Variants in DMXL1 observed in about 807,000 individuals in gnomAD.
DMXL1 encodes the protein Dmx like 1, also known as dmX-like protein 1.
Under a neutral mutation model 319.2 loss-of-function variants are expected in DMXL1, and 99 were observed. The ratio of observed to expected loss-of-function variants is 0.31; its 90% confidence interval spans 0.26 to 0.37. The LOEUF is 0.37. Among genes scored for constraint, DMXL1 ranks in the 10% least tolerant of loss-of-function variants. The pLI, the probability that DMXL1 is intolerant of heterozygous loss-of-function variation, is 1.00. For missense variants in DMXL1, 3,745 were observed against 3,595.6 expected (o/e 1.04, Z -1.06); for synonymous variants, 1,385 against 1,235.2 (o/e 1.12, Z -2.54).
intron 38 of DMXL1, among the ~76,000 whole-genome samples, chr5:119,228,654 A>T (rs968566166): frequency 1.3e-4 from 19 of 151,980 alleles, no homozygotes; most frequent in African/African-American, 4.6e-4. Context: ...GTGAGAACAA[A>T]TTTTTTTTGA....
chr5:119,219,724 T>C (rs2150573308), intron 35 of DMXL1, among the ~76,000 whole-genome samples: 1 of 152,078 alleles, frequency 6.6e-6, no homozygotes, highest in East Asian at 1.9e-4. Context: ...CATGCCACCA[T>C]GCCCAACTAA....
chr5:119,166,653 C>T lies in DMXL1; in HGVS notation c.5008C>T (p.His1670Tyr), dbSNP rs775383385. 3 of 1,607,858 alleles carry T rather than the reference C, an allele frequency of 1.9e-6. No homozygotes were observed. The highest frequency in any genetic ancestry group is 1.7e-6 in the Non-Finnish European group (2 of 1,177,906). Residue 1670 changes from histidine to tyrosine, a missense_variant, in exon 22 of 44, where the codon CAC becomes TAC. Physicochemically the swap from His to Tyr is moderately conservative, Grantham distance 83 (BLOSUM62 2). Around this residue, in one of 4 missense-constraint regions of DMXL1, gnomAD observed 2,096 missense variants for 1,985.4 expected, o/e 1.06. Coordinates refer to ENST00000539542, the MANE Select transcript of DMXL1 (RefSeq NM_001290321.3). ...KNTRMTQFFG[H>Y]NFEDERWRKA... ...CACCAGGATGACACAGTTTTTTGGA[C>T]ACAATTTTGAGGATGAGAGGTGGCG...
chr5:119,146,457 G>C (rs376287955), intron 15 of DMXL1, among the ~76,000 whole-genome samples: 61 of 151,974 alleles, frequency 4.0e-4, no homozygotes, highest in African/African-American at 1.4e-3. Flanking sequence ...ATCCATTATA[G>C]AACTTATTCA....
Position 119,178,085 on chromosome 5 carries a change from G to C in DMXL1, c.6976G>C (p.Val2326Leu), listed in dbSNP as rs1220635819. ...CTTGCTCTGTGAGATTCTCACAGCA[G>C]TGTATCTTAGTCTCTTCATCCATGG... ...TVLLCEILTA[V>L]YLSLFIHGLA... The change falls in exon 28 of 44, where the codon GTG becomes CTG. Residue 2326 changes from valine (V) to leucine (L), a missense_variant. Around this residue, in one of 4 missense-constraint regions of DMXL1, gnomAD observed 1,382 missense variants for 1,269.5 expected, o/e 1.09. Transcript: ENST00000539542. 3 of 1,613,968 alleles carry C rather than the reference G, an allele frequency of 1.9e-6. No homozygotes were observed. Among genetic ancestry groups the C allele is most frequent in the East Asian group, 4.5e-5 (2 of 44,882 alleles).
chr5:119,196,307 G>C (rs1329372444), intron 30 of DMXL1, 64 bp from the exon 31 acceptor site: 3 of 1,240,030 alleles, frequency 2.4e-6, no homozygotes, highest in Non-Finnish European at 3.6e-6. Flanking sequence ...TGAGTCAAAG[G>C]GTAGTATACT....
Position 119,203,273 on chromosome 5 carries a change from A to C in DMXL1, c.7746-46A>C, listed in dbSNP as rs1016677836. 6 of 1,264,054 alleles carry C rather than the reference A, an allele frequency of 4.7e-6. No individual in the cohort carries two copies. The Middle Eastern group carries it at 7.8e-4, about 165-fold the overall frequency. The allele number at this position is 1,264,054 out of a possible 1,614,324, so 78.3% of individuals were successfully genotyped here. On this transcript the variant is annotated intron_variant, in intron 32 of 43. Transcript: ENST00000539542. The stretch of plus-strand genomic sequence containing the variant: ...CCAAGGAATTGTTATCAAGTTAGTC[A>C]GAAATTTCTGAAGTTTATCATTAAA...
At chr5:119,128,027 T>C (rs1171967900) in intron 9 of DMXL1, 4 of 418,332 alleles carry the variant, frequency 9.6e-6, no homozygotes, top group Non-Finnish European at 1.9e-5. Flanking sequence ...TTTATCATGA[T>C]TCTCCATTTA....
In DMXL1 at chr5:119,196,261, G is replaced by A; in HGVS notation, c.7458-110G>A. 8 of 790,202 alleles carry A rather than the reference G, an allele frequency of 1.0e-5. No individual in the cohort carries two copies. The South Asian group carries it at 1.0e-4, about 10-fold the overall frequency. The allele number at this position is 790,202 out of a possible 1,614,324, so 48.9% of individuals were successfully genotyped here. A position where few individuals can be genotyped will look rare whatever the true frequency, so the allele number is the denominator to read the frequency against. ...ATATATTATTTTGTTTTCATAGAGG[G>A]GTATGTTCAGGTTGATTCCTGATAG... On this transcript the variant is annotated intron_variant, in intron 30 of 43. Coordinates refer to ENST00000539542, the MANE Select transcript of DMXL1 (RefSeq NM_001290321.3).
intron 1 of DMXL1, among the ~76,000 whole-genome samples, chr5:119,082,269 G>A (rs1561536348): frequency 6.6e-6 from 1 of 151,984 alleles, no homozygotes; most frequent in East Asian, 1.9e-4. Context: ...GTGCCACCAT[G>A]CCTGGCTTAT....
At chr5:119,090,828 G>C (rs1054903183) in intron 1 of DMXL1, among the ~76,000 whole-genome samples, 1 of 151,886 alleles carries the variant, frequency 6.6e-6, no homozygotes, top group African/African-American at 2.4e-5. Context: ...GCCTCCCAAA[G>C]TGCTGGGATT....
At chr5:119,116,701 C>T (rs1333803075) in intron 7 of DMXL1, among the ~76,000 whole-genome samples, 1 of 152,104 alleles carries the variant, frequency 6.6e-6, no homozygotes, top group African/African-American at 2.4e-5. Flanking sequence ...CTTGTACCTT[C>T]TAGTATGTCT....
chr5:119,177,895 C>G (rs1339656500), intron 27 of DMXL1, 101 bp from the exon 28 acceptor site: 8 of 1,085,434 alleles, frequency 7.4e-6, no homozygotes, highest in Non-Finnish European at 1.0e-5. Flanking sequence ...GTATTAACTC[C>G]TGATGCAATA....
At chr5:119,083,306 T>C (rs1479799978) in intron 1 of DMXL1, among the ~76,000 whole-genome samples, 1 of 152,038 alleles carries the variant, frequency 6.6e-6, no homozygotes, top group Non-Finnish European at 1.5e-5. Flanking sequence ...TCCATCCTTG[T>C]TGCTGCAAAT....
At chr5:119,107,813 C>T (rs1424431941) in intron 4 of DMXL1, among the ~76,000 whole-genome samples, 1 of 152,036 alleles carries the variant, frequency 6.6e-6, no homozygotes, top group Non-Finnish European at 1.5e-5. Flanking sequence ...GTCTATGAAA[C>T]CTTCTGTCTA....
chr5:119,122,096 C>G, intron 9 of DMXL1, among the ~76,000 whole-genome samples: 1 of 144,264 alleles, frequency 6.9e-6, no homozygotes, highest in Admixed American at 6.8e-5. Context: ...GGCTGACCCC[C>G]CCACCTCCCT....
At position 119,239,070 on chromosome 5, in the gene DMXL1, A is replaced by T; in HGVS notation, c.8641A>T (p.Thr2881Ser). ...SSLIATAGLS[T>S]DNRNVCLWDT... ...TCTGATAGCTACAGCTGGTCTTTCA[A>T]CTGACAATAGGTAAGAGATGATAGC... Residue 2881 changes from threonine to serine, a missense_variant, in exon 41 of 44, where the codon ACT becomes TCT. By Grantham distance (58) the Thr-to-Ser change is moderately conservative. Around this residue, in one of 4 missense-constraint regions of DMXL1, gnomAD observed 262 missense variants for 320.5 expected, o/e 0.82. Transcript: ENST00000539542. 1 of 1,613,768 alleles carries T rather than the reference A, an allele frequency of 6.2e-7. No homozygotes were observed. Among genetic ancestry groups the T allele is most frequent in the African/African-American group, 1.3e-5 (1 of 75,054 alleles).
chr5:119,189,843 T>G lies in DMXL1; in HGVS notation c.7271T>G (p.Phe2424Cys). 1 of 1,614,070 alleles carries G rather than the reference T, an allele frequency of 6.2e-7. No homozygotes were observed. The highest frequency in any genetic ancestry group is 1.3e-5 in the African/African-American group (1 of 75,042). Residue 2424 changes from phenylalanine to cysteine, a missense_variant, in exon 29 of 44, where the codon TTC (phenylalanine) becomes TGC (cysteine). Phe to Cys is a radical substitution (Grantham distance 205). Coordinates refer to ENST00000539542, the MANE Select transcript of DMXL1 (RefSeq NM_001290321.3). The stretch of plus-strand genomic sequence containing the variant: ...GAGTCACTGGCGGTTAAAGAAAAGT[T>G]CATCCCACCTGAGCTCAGTATCTGG... Reference protein sequence around the residue: ...SQESLAVKEKFIPPELSIWDY... With the variant: ...SQESLAVKEKCIPPELSIWDY...
At chr5:119,097,466 C>G (rs1351934481) in intron 1 of DMXL1, among the ~76,000 whole-genome samples, 4 of 151,968 alleles carry the variant, frequency 2.6e-5, no homozygotes, top group Admixed American at 6.6e-5. Flanking sequence ...GCCTGTAATC[C>G]CAGCACTTTG....
At chr5:119,108,645 C>G (rs183342022) in intron 4 of DMXL1, among the ~76,000 whole-genome samples, 191 of 152,258 alleles carry the variant, frequency 1.3e-3, no homozygotes, top group African/African-American at 4.4e-3. Context: ...GTCTTGAACT[C>G]CTGGGCTCAA....
Sources: gnomAD v4.1 joint callset for allele counts (sites outside exome capture counted in the v4.1 genomes callset) on GRCh38, gnomAD v4.1.1 for gene constraint, gnomAD v4.1.1 regional missense constraint, MANE v1.5 for transcripts, NCBI Gene and HGNC (gene_info 2026-07-23, HGNC 2026-07-21) for gene names.